The following ZNF385D variants were observed in gnomAD, a reference collection of about 807,000 sequenced individuals.
ZNF385D encodes the protein zinc finger protein 385D.
A neutral mutation model predicts 35.8 loss-of-function variants in ZNF385D; 15 were observed. The observed-to-expected ratio is 0.42, with a 90% CI of 0.28 to 0.64. The LOEUF (loss-of-function observed/expected upper bound fraction) is 0.64, where lower values mean the gene tolerates loss of function less well. Ranked by LOEUF, ZNF385D falls within the 30% of genes least tolerant of loss-of-function variation. The pLI, the probability that ZNF385D is intolerant of heterozygous loss-of-function variation, is 0.23. For missense variants in ZNF385D, 474 were observed against 494.6 expected, an observed-to-expected ratio of 0.96 and a Z score of 0.39; for synonymous variants, 212 against 186.8, an observed-to-expected ratio of 1.13 and a Z score of -1.10.
intron 3 of ZNF385D, among the ~76,000 whole-genome samples, chr3:22,139,133 G>A (rs1054696678): frequency 7.2e-5 from 11 of 152,162 alleles, no homozygotes; most frequent in African/African-American, 2.4e-4. Flanking sequence ...TGGAGAGGAT[G>A]TGGAGAAATA....
intron 3 of ZNF385D, among the ~76,000 whole-genome samples, chr3:21,890,885 T>C (rs73042630): frequency 6.6e-6 from 1 of 152,244 alleles, no homozygotes; most frequent in Non-Finnish European, 1.5e-5. Context: ...ACCACATTGG[T>C]TGTACGATTT....
chr3:22,010,303 T>C (rs567013727), intron 3 of ZNF385D, among the ~76,000 whole-genome samples: 6 of 152,300 alleles, frequency 3.9e-5, no homozygotes, highest in Middle Eastern at 6.8e-3. Context: ...TTGGAATACT[T>C]CGGAAATTTA....
At chr3:21,989,277 A>G (rs1005454233) in intron 3 of ZNF385D, among the ~76,000 whole-genome samples, 6 of 152,086 alleles carry the variant, frequency 3.9e-5, no homozygotes, top group African/African-American at 1.4e-4. Context: ...TACAACTACA[A>G]TTTTTTAAAA....
At chr3:21,610,013 T>G (rs1047040999) in intron 2 of ZNF385D, among the ~76,000 whole-genome samples, 2 of 152,176 alleles carry the variant, frequency 1.3e-5, no homozygotes, top group African/African-American at 4.8e-5. Flanking sequence ...TGTATTTCTG[T>G]CACTTCTAAG....
intron 1 of ZNF385D, among the ~76,000 whole-genome samples, chr3:21,694,899 G>C (rs749041039): frequency 9.2e-5 from 14 of 152,160 alleles, no homozygotes; most frequent in Admixed American, 2.0e-4. Flanking sequence ...GGAGATGTAA[G>C]GGAAGAAAAT....
intron 1 of ZNF385D, among the ~76,000 whole-genome samples, chr3:21,740,557 C>A (rs893176184): frequency 1.3e-5 from 2 of 152,086 alleles, no homozygotes; most frequent in African/African-American, 4.8e-5. Context: ...GGAAGGGTTC[C>A]CAGCCATTAG....
At chr3:22,312,395 G>A (rs1047220223) in intron 2 of ZNF385D, among the ~76,000 whole-genome samples, 7 of 152,128 alleles carry the variant, frequency 4.6e-5, no homozygotes, top group African/African-American at 1.7e-4. Context: ...TCACTAAGAT[G>A]TAGATATAAC....
intron 3 of ZNF385D, among the ~76,000 whole-genome samples, chr3:22,057,165 T>G (rs1409616192): frequency 6.6e-6 from 1 of 152,226 alleles, no homozygotes; most frequent in Non-Finnish European, 1.5e-5. Context: ...TACACCTGAT[T>G]TAAAGTCTAG....
At chr3:21,565,514 G>C (rs1177254925) in intron 2 of ZNF385D, among the ~76,000 whole-genome samples, 3 of 151,454 alleles carry the variant, frequency 2.0e-5, no homozygotes, top group African/African-American at 7.3e-5. Context: ...AAGTAGCTGG[G>C]AGTACAGGCT....
chr3:21,802,083 A>C (rs1420636842), intron 3 of ZNF385D, among the ~76,000 whole-genome samples: 1 of 152,186 alleles, frequency 6.6e-6, no homozygotes, highest in Non-Finnish European at 1.5e-5. Context: ...ACAATAACAG[A>C]CTACAGAAAT....
chr3:21,707,218 G>T (rs2067938900), intron 1 of ZNF385D, among the ~76,000 whole-genome samples: 2 of 152,030 alleles, frequency 1.3e-5, no homozygotes, highest in South Asian at 2.1e-4. Flanking sequence ...GCTTCATTTT[G>T]TGACTTACAA....
intron 3 of ZNF385D, among the ~76,000 whole-genome samples, chr3:21,953,254 G>A (rs1702143307): frequency 7.1e-6 from 1 of 141,296 alleles, no homozygotes; most frequent in South Asian, 2.2e-4. Flanking sequence ...TAGAGGCTCA[G>A]AATAAAACTT....
intron 3 of ZNF385D, among the ~76,000 whole-genome samples, chr3:21,559,991 T>G (rs2062881851): frequency 6.6e-6 from 1 of 152,244 alleles, no homozygotes. Context: ...TCTCGTGCTG[T>G]ATTTTTCAGC....
At chr3:22,354,552 T>G (rs1391308950) in intron 2 of ZNF385D, among the ~76,000 whole-genome samples, 1 of 152,078 alleles carries the variant, frequency 6.6e-6, no homozygotes, top group East Asian at 1.9e-4. Context: ...ATTCATTCAA[T>G]TAAATTGAAT....
At chr3:21,790,398 C>T (rs915439857) in intron 3 of ZNF385D, among the ~76,000 whole-genome samples, 2 of 152,028 alleles carry the variant, frequency 1.3e-5, no homozygotes, top group African/African-American at 4.8e-5. Flanking sequence ...TTATGTAGAA[C>T]TAACACACAG....
chr3:21,475,186 T>C (rs2125357063), intron 4 of ZNF385D, among the ~76,000 whole-genome samples: 1 of 152,166 alleles, frequency 6.6e-6, no homozygotes, highest in South Asian at 2.1e-4. Flanking sequence ...TGTATTAGGG[T>C]GTCATAAAAG....
At chr3:21,547,605 T>TTTTTG (rs960403729) in intron 3 of ZNF385D, among the ~76,000 whole-genome samples, 1 of 151,772 alleles carries the variant, frequency 6.6e-6, no homozygotes, top group East Asian at 1.9e-4. Flanking sequence ...TTAGATGTAC[T>TTTTTG]TTTTGTTTTG....
intron 3 of ZNF385D, among the ~76,000 whole-genome samples, chr3:21,938,358 C>G (rs577138582): frequency 6.6e-6 from 1 of 152,276 alleles, no homozygotes; most frequent in Middle Eastern, 3.4e-3. Flanking sequence ...AGGTCCAAGC[C>G]TGAATGCACC....
At chr3:21,913,497 C>T (rs537403234) in intron 3 of ZNF385D, among the ~76,000 whole-genome samples, 2 of 152,218 alleles carry the variant, frequency 1.3e-5, no homozygotes, top group Middle Eastern at 3.4e-3. Context: ...GTATTATGCT[C>T]ATCCTTACAG....
Sources: allele counts gnomAD v4.1 joint callset (sites outside exome capture counted in the v4.1 genomes callset), GRCh38; gene constraint gnomAD v4.1.1; transcripts MANE v1.5; gene names NCBI Gene and HGNC (gene_info 2026-07-23, HGNC 2026-07-21).